The following SYT10 variants were observed in gnomAD, a reference collection of about 807,000 sequenced individuals.
The protein encoded by SYT10 is synaptotagmin 10.
Under a neutral mutation model 51.1 loss-of-function variants are expected in SYT10, and 31 were observed. The ratio of observed to expected loss-of-function variants is 0.61; its 90% CI spans 0.46 to 0.82. SYT10 has a LOEUF of 0.82. SYT10 is among the 40% of genes least tolerant of loss of function. SYT10 has a pLI of 0.00. For synonymous variants in SYT10, 233 were observed against 225.9 expected (o/e 1.03, Z -0.28); for missense variants, 603 against 634.0 (o/e 0.95, Z 0.53).
chr12:33,401,612 T>G (rs958852022), intron 3 of SYT10, among the ~76,000 whole-genome samples: 1 of 152,218 alleles, frequency 6.6e-6, no homozygotes, highest in Non-Finnish European at 1.5e-5. Flanking sequence ...ATTTAAAATG[T>G]TCCTGCTTGA....
At chr12:33,391,237 TTTTTA>T (rs1866203827) in intron 3 of SYT10, among the ~76,000 whole-genome samples, 1 of 47,296 alleles carries the variant, frequency 2.1e-5, no homozygotes, top group Non-Finnish European at 3.5e-5. Context: ...GCCTGGCTGC[TTTTTA>T]TTTTATTTTA....
At position 33,426,155 on chromosome 12, in the gene SYT10, CT is replaced by C; in HGVS notation, c.491del (p.Glu164GlyfsTer46). 6.2e-7 allele frequency: 1 copy of C among 1,605,140 alleles called. No homozygotes were observed. Reference sequence around the variant, plus strand: ...TTCCTTACCGGGTTGATGACGTAGGCTCAGTAATTTGTCTTTGCACACGTGC... The same window carrying C: ...TTCCTTACCGGGTTGATGACGTAGGCCAGTAATTTGTCTTTGCACACGTGC... ...KHARVQRQITEPTSSTRHSSF... is the reference protein window; with the variant it reads ...KHARVQRQITXPTSSTRHSSF... On this transcript the variant is annotated frameshift_variant, in exon 2 of 7. Coordinates refer to ENST00000228567, the MANE Select transcript of SYT10 (RefSeq NM_198992.4). LOFTEE classifies it high-confidence loss of function.
At chr12:33,429,415 G>A (rs1455967032) in intron 1 of SYT10, among the ~76,000 whole-genome samples, 1 of 152,188 alleles carries the variant, frequency 6.6e-6, no homozygotes, top group Non-Finnish European at 1.5e-5. Flanking sequence ...GAGAATAGGA[G>A]AAACTTGAAT....
At chr12:33,413,857 C>T (rs1341233620) in intron 2 of SYT10, among the ~76,000 whole-genome samples, 1 of 152,092 alleles carries the variant, frequency 6.6e-6, no homozygotes, top group South Asian at 2.1e-4. Context: ...TGTAAATGGG[C>T]TAAATGCTCC....
intron 2 of SYT10, among the ~76,000 whole-genome samples, chr12:33,408,680 C>A (rs1003927368): frequency 6.6e-6 from 1 of 152,160 alleles, no homozygotes; most frequent in African/African-American, 2.4e-5. Context: ...GCTACATAAA[C>A]TTCTAGTCCC....
At chr12:33,398,460 C>A (rs1400638005) in intron 3 of SYT10, among the ~76,000 whole-genome samples, 2 of 152,060 alleles carry the variant, frequency 1.3e-5, no homozygotes, top group African/African-American at 2.4e-5. Context: ...TTGCAACGAG[C>A]CGAGATCATG....
chr12:33,416,468 T>A (rs1164625665), intron 2 of SYT10, among the ~76,000 whole-genome samples: 1 of 152,214 alleles, frequency 6.6e-6, no homozygotes, highest in Non-Finnish European at 1.5e-5. Context: ...CTGTTAGTGA[T>A]CTATTGATAT....
intron 1 of SYT10, among the ~76,000 whole-genome samples, chr12:33,433,804 A>C (rs1257000516): frequency 6.6e-6 from 1 of 152,188 alleles, no homozygotes; most frequent in Admixed American, 6.5e-5. Context: ...TTAACAGCTT[A>C]TCTTCACAGA....
rs1866659462 is a variant in SYT10 at position 33,438,923 on chromosome 12, C to T, written c.151+449G>A. Among the ~76,000 whole-genome samples the T allele has an allele frequency of 2.0e-5, 3 of 152,368 alleles. No homozygotes were observed. In the South Asian group the frequency reaches 6.2e-4, roughly 32 times the overall value. Reference sequence around the variant, plus strand: ...AGCATGGCTTGTCCGTCCCGCCTGGCCCCCATCAACAAGGCCGGGACCAGC... The same window carrying T: ...AGCATGGCTTGTCCGTCCCGCCTGGTCCCCATCAACAAGGCCGGGACCAGC... On this transcript the variant is annotated intron_variant, in intron 1 of 6. Coordinates refer to ENST00000228567, the MANE Select transcript of SYT10 (RefSeq NM_198992.4).
intron 2 of SYT10, among the ~76,000 whole-genome samples, chr12:33,419,276 G>A (rs561847052): frequency 6.6e-6 from 1 of 152,244 alleles, no homozygotes; most frequent in South Asian, 2.1e-4. Context: ...ATGTGTGTGT[G>A]TGGGGGGACT....
chr12:33,386,330 G>C (rs1866156364), intron 3 of SYT10, among the ~76,000 whole-genome samples: 2 of 152,062 alleles, frequency 1.3e-5, no homozygotes, highest in South Asian at 2.1e-4. Context: ...ACACACATAA[G>C]GTTTATGTCA....
intron 3 of SYT10, among the ~76,000 whole-genome samples, chr12:33,387,202 C>A (rs1866164250): frequency 6.6e-6 from 1 of 152,142 alleles, no homozygotes; most frequent in Admixed American, 6.5e-5. Context: ...ATTCTCATTT[C>A]TTTATTCATG....
intron 2 of SYT10, among the ~76,000 whole-genome samples, chr12:33,420,860 C>CA (rs1378660948): frequency 1.3e-5 from 2 of 152,278 alleles, no homozygotes; most frequent in South Asian, 2.1e-4. Context: ...TTAACCACCT[C>CA]AATTTCCTGC....
intron 1 of SYT10, among the ~76,000 whole-genome samples, chr12:33,431,747 G>A (rs1197395082): frequency 2.0e-5 from 3 of 152,118 alleles, no homozygotes; most frequent in African/African-American, 7.2e-5. Flanking sequence ...AGTCCAAGTG[G>A]CTTATAAGAG....
intron 2 of SYT10, among the ~76,000 whole-genome samples, chr12:33,415,505 T>C (rs1323536029): frequency 5.9e-5 from 9 of 152,242 alleles, no homozygotes; most frequent in Non-Finnish European, 1.0e-4. Context: ...ATTTGCAATG[T>C]CTTTACTATC....
intron 4 of SYT10, among the ~76,000 whole-genome samples, chr12:33,384,002 CA>C (rs577960287): frequency 1.4e-3 from 213 of 152,054 alleles, no homozygotes; most frequent in African/African-American, 5.1e-3. Flanking sequence ...ACTTTTTCAC[CA>C]AAATTAATGT....
Position 33,376,892 on chromosome 12 carries a change from G to A in SYT10, c.1510C>T (p.Arg504Trp), listed in dbSNP as rs368560005. The A allele has an allele frequency of 1.2e-5, 20 of 1,613,882 alleles. No individual in the cohort carries two copies. The highest frequency in any genetic ancestry group is 2.7e-5 in the African/African-American group (2 of 74,890). The change falls in exon 7 of 7, where the codon CGG becomes TGG. Residue 504 changes from arginine (R) to tryptophan (W), a missense_variant. Physicochemically the swap from Arg to Trp is moderately radical, Grantham distance 101. Transcript: ENST00000228567. ...CCTTGACTATCAAAACTGGTCGCCC[G>A]GCCAGGTAACTGAAAGACAAAAATT... Reference protein sequence around the residue: ...HWHPLLELPGRATSFDSQGSC... With the variant: ...HWHPLLELPGWATSFDSQGSC...
chr12:33,404,945 G>T (rs1179659181), intron 3 of SYT10: 1 of 151,918 alleles, frequency 6.6e-6, no homozygotes, highest in Non-Finnish European at 1.5e-5. Flanking sequence ...TATTAGCAAT[G>T]AGAAACTAAA....
rs757340341 is a variant in SYT10 at position 33,426,248 on chromosome 12, G to T, written c.399C>A (p.Ile133=). Residue 133 remains isoleucine (I), a synonymous_variant, in exon 2 of 7, where the codon ATC becomes ATA. Coordinates refer to ENST00000228567, the MANE Select transcript of SYT10 (RefSeq NM_198992.4). ...AVKAIEPAIK[I]SHTSPDIPAE... is the part of the protein sequence containing the mutation. The stretch of plus-strand genomic sequence containing the variant: ...CTGGGATGTCAGGGGAAGTGTGGCT[G>T]ATTTTTATTGCAGGCTCAATAGCTT... The T allele has an allele frequency of 1.4e-5, 23 of 1,614,168 alleles. No individual in the cohort carries two copies. Among genetic ancestry groups the T allele is most frequent in the Non-Finnish European group, 1.9e-5 (23 of 1,180,038 alleles).
Sources: allele counts gnomAD v4.1 joint callset (sites outside exome capture counted in the v4.1 genomes callset), GRCh38; gene constraint gnomAD v4.1.1; transcripts MANE v1.5; gene names NCBI Gene and HGNC (gene_info 2026-07-23, HGNC 2026-07-21).